ADAMTSL3: variants seen among roughly 807,000 people sequenced by gnomAD.
ADAMTSL3 encodes the protein ADAMTS-like protein 3.
In ADAMTSL3, 128 loss-of-function variants were observed where a neutral mutation model predicts 201.7. That is an observed-to-expected ratio of 0.63 (90% CI 0.55 to 0.73). The LOEUF (loss-of-function observed/expected upper bound fraction) is 0.73. Ranked by LOEUF, ADAMTSL3 falls within the 30% of genes least tolerant of loss-of-function variation. ADAMTSL3 has a pLI of 0.00. For missense variants in ADAMTSL3, 1,990 were observed against 2,119.6 expected, an observed-to-expected ratio of 0.94 and a Z score of 1.20; for synonymous variants, 738 against 748.4, an observed-to-expected ratio of 0.99 and a Z score of 0.23.
chr15:83,946,114 A>G (rs1187564827), intron 19 of ADAMTSL3, among the ~76,000 whole-genome samples: 7 of 152,060 alleles, frequency 4.6e-5, no homozygotes, highest in African/African-American at 1.7e-4. Context: ...GCTCTAAAAT[A>G]CCCCACTTTG....
intron 6 of ADAMTSL3, among the ~76,000 whole-genome samples, chr15:83,829,034 G>A (rs1371016621): frequency 1.3e-5 from 2 of 152,172 alleles, no homozygotes; most frequent in Admixed American, 6.5e-5. Flanking sequence ...GATGATGCTG[G>A]CCTCATAAAA....
intron 16 of ADAMTSL3, among the ~76,000 whole-genome samples, chr15:83,916,842 C>G (rs1213998556): frequency 6.6e-6 from 1 of 152,162 alleles, no homozygotes. Context: ...CTCCATGGTT[C>G]TTCACCAAGT....
chr15:83,884,249 A>G (rs2065341574), intron 9 of ADAMTSL3, among the ~76,000 whole-genome samples: 1 of 151,842 alleles, frequency 6.6e-6, no homozygotes, highest in Non-Finnish European at 1.5e-5. Flanking sequence ...TTTATAGTGT[A>G]TAACATGATA....
At chr15:83,692,685 CAAAA>C (rs766382952) in intron 2 of ADAMTSL3, among the ~76,000 whole-genome samples, 661 of 43,274 alleles carry the variant, frequency 0.015, 5 homozygotes, top group Non-Finnish European at 0.019. Context: ...GACTCCATCT[CAAAA>C]AAAAAAAAAA....
At chr15:84,014,912 C>T (rs959737143) in intron 24 of ADAMTSL3, among the ~76,000 whole-genome samples, 188 bp downstream of exon 24, 1 of 151,852 alleles carries the variant, frequency 6.6e-6, no homozygotes, top group African/African-American at 2.4e-5. Context: ...GTATTCCCAG[C>T]ACCTAACACA....
intron 3 of ADAMTSL3, among the ~76,000 whole-genome samples, chr15:83,753,094 C>T (rs1447912367): frequency 6.6e-6 from 1 of 152,182 alleles, no homozygotes; most frequent in East Asian, 1.9e-4. Flanking sequence ...GCTGTTGAGT[C>T]AGTAAGTGAC....
At chr15:83,986,962 A>G (rs1281957273) in intron 21 of ADAMTSL3, among the ~76,000 whole-genome samples, 1 of 152,194 alleles carries the variant, frequency 6.6e-6, no homozygotes, top group East Asian at 1.9e-4. Flanking sequence ...CAGTGGCCCC[A>G]CCTGTCATGT....
intron 3 of ADAMTSL3, among the ~76,000 whole-genome samples, chr15:83,714,872 CCCTCCCTTCCTT>C (rs1382040979): frequency 6.7e-4 from 7 of 10,444 alleles, no homozygotes; most frequent in African/African-American, 1.1e-3. Context: ...CTCCCTCCCT[CCCTCCCTTCCTT>C]CCTTCCTTCC....
chr15:83,832,443 A>C (rs1342893661), intron 6 of ADAMTSL3, among the ~76,000 whole-genome samples: 1 of 152,168 alleles, frequency 6.6e-6, no homozygotes, highest in African/African-American at 2.4e-5. Context: ...GGTGATGAGG[A>C]GTGATACCCT....
At position 84,037,434 on chromosome 15, in the gene ADAMTSL3, G is replaced by A. The variant is rs574956418; in HGVS notation, c.4970-266G>A. 9.9e-4 allele frequency among the ~76,000 whole-genome samples: 151 copies of A among 152,300 alleles called. 1 individual carries two copies. The highest frequency in any genetic ancestry group is 3.4e-3 in the Middle Eastern group (1 of 294). ...TCAAGGAGTCCATGACCCTGCAAAA[G>A]TTAAGCATTGCTGCTCTGAGAACTC... is the stretch of plus-strand genomic sequence containing the variant. On this transcript the variant is annotated intron_variant, in intron 29 of 29. Transcript: ENST00000286744.
intron 3 of ADAMTSL3, among the ~76,000 whole-genome samples, chr15:83,762,650 T>C (rs1400913079): frequency 6.6e-6 from 1 of 152,160 alleles, no homozygotes; most frequent in African/African-American, 2.4e-5. Flanking sequence ...GGCTCCACCC[T>C]CATAACTTAA....
intron 3 of ADAMTSL3, among the ~76,000 whole-genome samples, chr15:83,762,311 G>C (rs2062820482): frequency 6.6e-6 from 1 of 152,160 alleles, no homozygotes; most frequent in Non-Finnish European, 1.5e-5. Flanking sequence ...GGGCCTCATG[G>C]AATGACATAT....
At chr15:83,808,494 A>T (rs545063450) in intron 5 of ADAMTSL3, among the ~76,000 whole-genome samples, 4 of 152,208 alleles carry the variant, frequency 2.6e-5, no homozygotes, top group Admixed American at 6.5e-5. Context: ...GTTCCTGAGG[A>T]TGTGGAGAAA....
intron 2 of ADAMTSL3, among the ~76,000 whole-genome samples, chr15:83,668,594 C>T (rs920714838): frequency 4.6e-5 from 7 of 152,054 alleles, no homozygotes; most frequent in Admixed American, 2.6e-4. Context: ...TTTTCCTAAG[C>T]TCACTTTTTC....
At chr15:83,663,351 G>A (rs930489600) in intron 2 of ADAMTSL3, among the ~76,000 whole-genome samples, 1 of 152,124 alleles carries the variant, frequency 6.6e-6, no homozygotes, top group African/African-American at 2.4e-5. Flanking sequence ...TCTAATGGCT[G>A]TGTTCCATTG....
chr15:83,762,617 A>G lies in ADAMTSL3; in HGVS notation c.190-10906A>G, dbSNP rs556509564. On this transcript the variant is annotated intron_variant, in intron 3 of 29. Coordinates refer to ENST00000286744, the MANE Select transcript of ADAMTSL3 (RefSeq NM_207517.3). ...CAGAAGAGAGGGAACTAACTCTCTC[A>G]AGCTCCTTATAAGGGCCCTAAAGGC... 2.0e-5 allele frequency among the ~76,000 whole-genome samples: 3 copies of G among 152,164 alleles called. No individual in the cohort carries two copies. In the South Asian group the frequency reaches 6.2e-4, roughly 32 times the overall value.
At chr15:83,994,092 G>A (rs548856861) in intron 23 of ADAMTSL3, among the ~76,000 whole-genome samples, 18 of 152,304 alleles carry the variant, frequency 1.2e-4, no homozygotes, top group Middle Eastern at 6.8e-3. Context: ...GAGCTAGATG[G>A]TGATTCCCAA....
At chr15:83,931,871 G>A (rs887882425) in intron 17 of ADAMTSL3, among the ~76,000 whole-genome samples, 5 of 152,052 alleles carry the variant, frequency 3.3e-5, no homozygotes. Context: ...TTGGGGAAAG[G>A]GAAGAAAATT....
At chr15:84,037,220 C>T (rs2068528562) in intron 29 of ADAMTSL3, among the ~76,000 whole-genome samples, 2 of 152,202 alleles carry the variant, frequency 1.3e-5, no homozygotes, top group Admixed American at 1.3e-4. Context: ...ATGCCAGCAT[C>T]ATTGGTTACT....
Sources: gnomAD v4.1 joint callset for allele counts (sites outside exome capture counted in the v4.1 genomes callset) on GRCh38, gnomAD v4.1.1 for gene constraint, MANE v1.5 for transcripts, NCBI Gene and HGNC (gene_info 2026-07-23, HGNC 2026-07-21) for gene names.